The following CHODL variants were observed in gnomAD, a reference collection of about 807,000 sequenced individuals.
The protein encoded by CHODL is chondrolectin, also known as transmembrane protein MT75.
CHODL carries 29 observed loss-of-function variants against 34.5 expected under a neutral mutation model. The ratio of observed to expected loss-of-function variants is 0.84; its 90% CI spans 0.63 to 1.15. The LOEUF (loss-of-function observed/expected upper bound fraction) is 1.15. Ranked by LOEUF, CHODL falls within the 50% of genes most tolerant of loss-of-function variation. The pLI, the probability that CHODL is intolerant of heterozygous loss-of-function variation, is 0.00. For synonymous variants in CHODL, 125 were observed against 116.1 expected (o/e 1.08, Z -0.49); for missense variants, 332 against 332.5 (o/e 1.00, Z 0.01).
At chr21:18,240,279 C>T (rs948820391), upstream of CHODL, among the ~76,000 whole-genome samples, 9 of 151,874 alleles carry the variant, frequency 5.9e-5, no homozygotes, top group African/African-American at 1.9e-4. Context: ...GACATTCTGG[C>T]TGGGTAGAAT....
chr21:18,260,319 G>A (rs1478375399), intron 4 of CHODL, 33 bp downstream of exon 4: 1 of 1,331,668 alleles, frequency 7.5e-7, no homozygotes, highest in Non-Finnish European at 1.1e-6. Context: ...ACTTCATCAA[G>A]AACTGAACTG....
upstream of CHODL, among the ~76,000 whole-genome samples, chr21:18,242,375 T>C (rs921487823): frequency 2.6e-5 from 4 of 152,190 alleles, no homozygotes; most frequent in Non-Finnish European, 5.9e-5. Flanking sequence ...TTTTCCAAAA[T>C]ACAATTTTGT....
chr21:18,101,959 A>C (rs1261814863), intron 2 of CHODL, among the ~76,000 whole-genome samples: 2 of 152,146 alleles, frequency 1.3e-5, no homozygotes, highest in African/African-American at 2.4e-5. Context: ...AGAAAAATTT[A>C]AGGAGAAAAT....
At chr21:17,929,335 G>C (rs1340684062) in intron 1 of CHODL, among the ~76,000 whole-genome samples, 1 of 152,132 alleles carries the variant, frequency 6.6e-6, no homozygotes, top group East Asian at 1.9e-4. Flanking sequence ...TATTTAAAAA[G>C]TTTTTTGAAA....
At chr21:18,069,068 AT>A (rs903325867) in intron 2 of CHODL, among the ~76,000 whole-genome samples, 2 of 152,270 alleles carry the variant, frequency 1.3e-5, no homozygotes, top group African/African-American at 4.8e-5. Flanking sequence ...GAGTAAGCAA[AT>A]TTTTTTATCT....
At chr21:18,173,601 T>C (rs1490104543) in intron 2 of CHODL, among the ~76,000 whole-genome samples, 1 of 152,090 alleles carries the variant, frequency 6.6e-6, no homozygotes, top group African/African-American at 2.4e-5. Flanking sequence ...CTTGCTTAGG[T>C]TGGGGATTTG....
At chr21:18,259,431 G>C (rs1399647648) in intron 3 of CHODL, among the ~76,000 whole-genome samples, 8 of 152,174 alleles carry the variant, frequency 5.3e-5, no homozygotes, top group Non-Finnish European at 7.3e-5. Flanking sequence ...TTCATACTTA[G>C]GTGATGGAAT....
chr21:18,253,891 C>T (rs988726792), intron 1 of CHODL, among the ~76,000 whole-genome samples: 1 of 152,246 alleles, frequency 6.6e-6, no homozygotes, highest in South Asian at 2.1e-4. Context: ...ACAGAGGGAA[C>T]AACTCTTGGC....
chr21:18,040,471 C>G (rs1466437338), intron 2 of CHODL, among the ~76,000 whole-genome samples: 1 of 151,820 alleles, frequency 6.6e-6, no homozygotes, highest in East Asian at 1.9e-4. Context: ...GGCATTTTAG[C>G]TAATACTGTT....
At chr21:17,979,949 A>G (rs551621435) in intron 1 of CHODL, among the ~76,000 whole-genome samples, 1 of 152,244 alleles carries the variant, frequency 6.6e-6, no homozygotes, top group African/African-American at 2.4e-5. Context: ...CCTCAGTTTC[A>G]TTTCTTCAAA....
intron 2 of CHODL, among the ~76,000 whole-genome samples, chr21:18,125,038 A>G (rs2065525306): frequency 6.6e-6 from 1 of 152,256 alleles, no homozygotes; most frequent in South Asian, 2.1e-4. Context: ...TACATGCATC[A>G]GTAGTGAGTC....
chr21:18,046,825 T>C (rs139189441), intron 2 of CHODL, among the ~76,000 whole-genome samples: 3 of 151,964 alleles, frequency 2.0e-5, no homozygotes, highest in Non-Finnish European at 4.4e-5. Context: ...TATCACTCCA[T>C]CAATTTATCA....
chr21:17,971,314 C>G (rs1361647231), intron 1 of CHODL, among the ~76,000 whole-genome samples: 1 of 152,162 alleles, frequency 6.6e-6, no homozygotes, highest in Non-Finnish European at 1.5e-5. Context: ...ACCACACTGT[C>G]TTCCACAATA....
chr21:18,247,028 T>A (rs1455205499), intron 1 of CHODL, among the ~76,000 whole-genome samples: 1 of 152,202 alleles, frequency 6.6e-6, no homozygotes, highest in Non-Finnish European at 1.5e-5. Context: ...TTCAATTGTC[T>A]TTGGTCATAA....
intron 1 of CHODL, among the ~76,000 whole-genome samples, chr21:18,027,474 A>G (rs944690480): frequency 2.6e-5 from 4 of 152,180 alleles, no homozygotes; most frequent in African/African-American, 9.6e-5. Flanking sequence ...ACACAGAAGA[A>G]TCACATGTGA....
At chr21:17,964,055 A>G (rs1877938263) in intron 1 of CHODL, among the ~76,000 whole-genome samples, 1 of 152,218 alleles carries the variant, frequency 6.6e-6, no homozygotes. Flanking sequence ...TTTGACTGTG[A>G]AACTATTTAA....
At chr21:18,249,090 AATATATATATATAATAATAT>A (rs1441580803) in intron 1 of CHODL, among the ~76,000 whole-genome samples, 9 of 124,682 alleles carry the variant, frequency 7.2e-5, no homozygotes, top group Admixed American at 4.8e-4. Flanking sequence ...TATATAATAA[AATATATATATATAATAATAT>A]ATATATAATA....
At chr21:18,253,372 T>G (rs1244150034) in intron 1 of CHODL, among the ~76,000 whole-genome samples, 1 of 152,086 alleles carries the variant, frequency 6.6e-6, no homozygotes, top group Non-Finnish European at 1.5e-5. Context: ...TTAGGGAAAT[T>G]TAATATTTCA....
Position 18,165,684 on chromosome 21 carries a change from C to T in CHODL, c.-44-90825C>T, listed in dbSNP as rs145416827. ...TCAGAACCTAACTTCAGAATTCAAA[C>T]GGTGTCACTTCTGTTGTAGTTTTAT... On this transcript the variant is annotated intron_variant, in intron 2 of 6. Transcript: ENST00000400127. 4.4e-4 allele frequency among the ~76,000 whole-genome samples: 67 copies of T among 152,270 alleles called. 1 individual carries two copies. The East Asian group carries it at 8.9e-3, about 20-fold the overall frequency.
Sources: allele counts gnomAD v4.1 joint callset (sites outside exome capture counted in the v4.1 genomes callset), GRCh38; gene constraint gnomAD v4.1.1; transcripts MANE v1.5; gene names NCBI Gene and HGNC (gene_info 2026-07-23, HGNC 2026-07-21).